The following CCDC198 variants were observed in gnomAD, a reference collection of about 807,000 sequenced individuals.
CCDC198 encodes the protein coiled-coil domain containing 198, also known as factor associated with metabolism and energy.
A neutral mutation model predicts 35.6 loss-of-function variants in CCDC198; 18 were observed. The ratio of observed to expected loss-of-function variants is 0.51; its 90% confidence interval spans 0.35 to 0.75. The LOEUF (loss-of-function observed/expected upper bound fraction) is 0.75, where lower values mean the gene tolerates loss of function less well. Ranked by LOEUF, CCDC198 falls within the 30% of genes least tolerant of loss-of-function variation. The pLI, the probability that CCDC198 is intolerant of heterozygous loss-of-function variation, is 0.01. For missense variants in CCDC198, 365 were observed against 343.7 expected (o/e 1.06, Z -0.49); for synonymous variants, 119 against 113.4 (o/e 1.05, Z -0.31).
chr14:57,473,705 A>G (rs1555341405), intron 5 of CCDC198, among the ~76,000 whole-genome samples: 1 of 152,150 alleles, frequency 6.6e-6, no homozygotes, highest in Non-Finnish European at 1.5e-5. Flanking sequence ...CACAGTGTAG[A>G]CAGAGTGACA....
Position 57,493,609 on chromosome 14 carries a change from T to C in CCDC198, c.107A>G (p.Asn36Ser), listed in dbSNP as rs1055486668. 6.2e-7 allele frequency: 1 copy of C among 1,613,994 alleles called. No individual in the cohort carries two copies. The highest frequency in any genetic ancestry group is 1.3e-5 in the African/African-American group (1 of 75,036). Residue 36 changes from asparagine to serine, a missense_variant, in exon 1 of 6, where the codon AAT (asparagine) becomes AGT (serine). Physicochemically the swap from Asn to Ser is conservative, Grantham distance 46. Transcript: ENST00000216445. ...TGAAGTCTTTTCTTCCAAATTCTGA[T>C]TGAATGCAAAGTCCACACGGCCAGC... Reference protein sequence around the residue: ...PSAGRVDFAFNQNLEEKTSYS... With the variant: ...PSAGRVDFAFSQNLEEKTSYS...
At chr14:57,480,492 A>G (rs1378770744) in intron 5 of CCDC198, 103 bp downstream of exon 5, 2 of 1,379,676 alleles carry the variant, frequency 1.4e-6, no homozygotes, top group African/African-American at 1.5e-5. Context: ...CAAGAGCTCA[A>G]AGCTGTTTGC....
chr14:57,472,360 G>T (rs1044081637), intron 5 of CCDC198, among the ~76,000 whole-genome samples: 4 of 151,714 alleles, frequency 2.6e-5, no homozygotes, highest in African/African-American at 7.3e-5. Context: ...CTAATGTAAT[G>T]CTGACATTTT....
At chr14:57,480,521 C>A in intron 5 of CCDC198, 74 bp downstream of exon 5, 3 of 1,530,710 alleles carry the variant, frequency 2.0e-6, no homozygotes, top group Non-Finnish European at 2.7e-6. Context: ...CATCATGTCC[C>A]TCCCTTGGTA....
At chr14:57,483,528 A>T (rs929042629) in intron 2 of CCDC198, among the ~76,000 whole-genome samples, 4 of 152,224 alleles carry the variant, frequency 2.6e-5, no homozygotes, top group Non-Finnish European at 4.4e-5. Context: ...TCCCTTAGGT[A>T]CCCAGCTGAA....
chr14:57,479,603 C>T (rs1015157618), intron 5 of CCDC198, among the ~76,000 whole-genome samples: 1 of 152,090 alleles, frequency 6.6e-6, no homozygotes, highest in Non-Finnish European at 1.5e-5. Flanking sequence ...TCCATTTTTG[C>T]CTTTTGTAAT....
rs1395348592 is a variant in CCDC198 at position 57,470,653 on chromosome 14, T to A, written c.*702A>T. ...ACATCCAGCCCATCTATTTGTTTTA[T>A]GTAATCTAATTTTCTTTTTAAAAAC... On this transcript the variant is annotated 3_prime_UTR_variant, in exon 6 of 6. Coordinates refer to ENST00000216445, the MANE Select transcript of CCDC198 (RefSeq NM_018168.4). The A allele has an allele frequency of 6.6e-6, 1 of 152,282 alleles. No individual in the cohort carries two copies. Among genetic ancestry groups the A allele is most frequent in the African/African-American group, 2.4e-5 (1 of 41,464 alleles). 9.4% of individuals were successfully genotyped at this position (152,282 alleles called of 1,614,324 possible).
At chr14:57,484,005 A>G (rs1350800127) in intron 2 of CCDC198, among the ~76,000 whole-genome samples, 1 of 152,198 alleles carries the variant, frequency 6.6e-6, no homozygotes, top group East Asian at 1.9e-4. Context: ...GTGATTATTC[A>G]AGTGATAATT....
chr14:57,492,512 A>G (rs2067608123), intron 1 of CCDC198, among the ~76,000 whole-genome samples: 1 of 152,006 alleles, frequency 6.6e-6, no homozygotes, highest in Non-Finnish European at 1.5e-5. Context: ...CTATCCCTCT[A>G]TCTATCATAA....
chr14:57,492,469 T>C (rs1473860984), intron 1 of CCDC198, among the ~76,000 whole-genome samples: 2 of 152,068 alleles, frequency 1.3e-5, no homozygotes, highest in Non-Finnish European at 2.9e-5. Flanking sequence ...TTAGTACACA[T>C]TCACGCTCCA....
At chr14:57,489,498 A>G (rs747840609) in intron 2 of CCDC198, among the ~76,000 whole-genome samples, 44 of 152,126 alleles carry the variant, frequency 2.9e-4, no homozygotes, top group Non-Finnish European at 5.6e-4. Context: ...ACAAACCTAC[A>G]CATCCTGCAC....
At chr14:57,491,194 A>G (rs2067555608) in intron 1 of CCDC198, 123 bp from the exon 2 acceptor site, 1 of 910,966 alleles carries the variant, frequency 1.1e-6, no homozygotes, top group Middle Eastern at 3.4e-4. Context: ...TATATGTCTA[A>G]CCTGTGGGTT....
Position 57,469,941 on chromosome 14 carries a change from A to T in CCDC198, c.*1414T>A, listed in dbSNP as rs891800612. On this transcript the variant is annotated 3_prime_UTR_variant, in exon 6 of 6. Transcript: ENST00000216445. Reference sequence around the variant, plus strand: ...TTGCTTTGTTTTAAAGCTTTAATAAATTCTTGGAAGATTCTGGATTGCTTG... The same window carrying T: ...TTGCTTTGTTTTAAAGCTTTAATAATTTCTTGGAAGATTCTGGATTGCTTG... The T allele has an allele frequency of 2.6e-5, 4 of 152,198 alleles. No homozygotes were observed. Among genetic ancestry groups the T allele is most frequent in the African/African-American group, 9.7e-5 (4 of 41,442 alleles). 9.4% of individuals were successfully genotyped at this position (152,198 alleles called of 1,614,324 possible).
chr14:57,475,346 G>T (rs1021623118), intron 5 of CCDC198: 2 of 976,004 alleles, frequency 2.0e-6, no homozygotes, highest in African/African-American at 3.5e-5. Flanking sequence ...TAGAAAGAGT[G>T]CAGGTGGCCA....
chr14:57,487,282 G>A (rs968826271), intron 2 of CCDC198, among the ~76,000 whole-genome samples: 7 of 152,180 alleles, frequency 4.6e-5, no homozygotes, highest in African/African-American at 1.7e-4. Context: ...CAAATGATCA[G>A]CATAATCAGT....
At chr14:57,477,384 CTA>C (rs1353428362) in intron 5 of CCDC198, among the ~76,000 whole-genome samples, 1 of 152,128 alleles carries the variant, frequency 6.6e-6, no homozygotes, top group African/African-American at 2.4e-5. Context: ...TTCTAAAAGT[CTA>C]GTTAATTATG....
At chr14:57,471,985 A>G (rs964590543) in intron 5 of CCDC198, among the ~76,000 whole-genome samples, 4 of 151,870 alleles carry the variant, frequency 2.6e-5, no homozygotes, top group African/African-American at 9.7e-5. Flanking sequence ...ATCACTACAA[A>G]TCTCTTAAGA....
rs1152531 is a variant in CCDC198 at position 57,471,406 on chromosome 14, C to T, written c.840G>A (p.Arg280=). The change falls in exon 6 of 6, where the codon AGG becomes AGA. Residue 280 remains arginine, a synonymous_variant. Coordinates refer to ENST00000216445, the MANE Select transcript of CCDC198 (RefSeq NM_018168.4). ...KDEKKPRALV[R]TRTERIPLFD... The stretch of plus-strand genomic sequence containing the variant: ...AAAGTGGGATTCTCTCTGTCCTGGT[C>T]CTCACCAGTGCTCGTGGCTTCTTCT... 1,167,957 of 1,613,244 alleles carry T rather than the reference C, an allele frequency of 0.72. 433,932 individuals carry two copies. Among genetic ancestry groups the T allele is most frequent in the East Asian group, 0.95 (42,792 of 44,848 alleles).
chr14:57,481,584 A>G lies in CCDC198; in HGVS notation c.470T>C (p.Leu157Pro), dbSNP rs1187892581. 1.9e-6 allele frequency: 3 copies of G among 1,612,426 alleles called. No homozygotes were observed. In the African/African-American group the frequency reaches 4.0e-5, roughly 22 times the overall value. ...CTCTTGTCTTTTACGGATCATTTCC[A>G]GCACTTGCATCTTATGCAAATATTG... ...NRQYLHKMQVLEMIRKRQEAQ... is the reference protein window; with the variant it reads ...NRQYLHKMQVPEMIRKRQEAQ... The change falls in exon 4 of 6, where the codon CTG becomes CCG. Residue 157 changes from leucine (L) to proline (P), a missense_variant. Transcript: ENST00000216445.
Sources: gnomAD v4.1 joint callset for allele counts (sites outside exome capture counted in the v4.1 genomes callset) on GRCh38, gnomAD v4.1.1 for gene constraint, MANE v1.5 for transcripts, NCBI Gene and HGNC (gene_info 2026-07-23, HGNC 2026-07-21) for gene names.